KAZN: variants seen among roughly 807,000 people sequenced by gnomAD.
The protein encoded by KAZN is kazrin, periplakin interacting protein, also known as kazrin.
KAZN carries 40 observed loss-of-function variants against 87.4 expected under a neutral mutation model. That is an observed-to-expected ratio of 0.46 (90% CI 0.36 to 0.60). The LOEUF (loss-of-function observed/expected upper bound fraction) is 0.60, where lower values mean the gene tolerates loss of function less well. KAZN is among the 20% of genes least tolerant of loss of function. The pLI is 0.00. For synonymous variants in KAZN, 466 were observed against 458.3 expected, an observed-to-expected ratio of 1.02 and a Z score of -0.22; for missense variants, 898 against 1,073.9, an observed-to-expected ratio of 0.84 and a Z score of 2.29.
At chr1:14,360,378 G>GT (rs1659402467) in intron 2 of KAZN, among the ~76,000 whole-genome samples, 1 of 151,982 alleles carries the variant, frequency 6.6e-6, no homozygotes, top group African/African-American at 2.4e-5. Flanking sequence ...CTTGCATTGG[G>GT]TTAGAACATG....
rs939459866 is a variant in KAZN at position 15,114,860 on chromosome 1, T to C, written c.*225T>C. The C allele has an allele frequency of 1.7e-5, 8 of 457,666 alleles. No individual in the cohort carries two copies. Among genetic ancestry groups the C allele is most frequent in the African/African-American group, 1.6e-4 (8 of 51,534 alleles). 28.4% of individuals were successfully genotyped at this position (457,666 alleles called of 1,614,324 possible). On this transcript the variant is annotated 3_prime_UTR_variant, in exon 15 of 15. Coordinates refer to ENST00000376030, the MANE Select transcript of KAZN (RefSeq NM_201628.3). ...TGGGCCATGGACTTTCCTGTTCAGC[T>C]GGAGATGGGCCCAGAGGACCTGTCA...
chr1:14,780,522 T>C (rs1255292514), intron 1 of KAZN, among the ~76,000 whole-genome samples: 4 of 152,196 alleles, frequency 2.6e-5, no homozygotes, highest in African/African-American at 7.2e-5. Flanking sequence ...GAGCCTCCGG[T>C]TTCTCTTCTG....
At chr1:14,251,642 A>ATTT (rs1571144709) in intron 2 of KAZN, among the ~76,000 whole-genome samples, 2 of 81,510 alleles carry the variant, frequency 2.5e-5, no homozygotes, top group Admixed American at 1.4e-4. Flanking sequence ...GTTCTCCCGG[A>ATTT]CTTTTTTTTT....
chr1:14,173,653 T>C (rs993367178), intron 1 of KAZN, among the ~76,000 whole-genome samples: 1 of 146,612 alleles, frequency 6.8e-6, no homozygotes, highest in Admixed American at 6.9e-5. Flanking sequence ...GCTTTGTAGT[T>C]CCCCTCCCCG....
intron 1 of KAZN, among the ~76,000 whole-genome samples, chr1:14,886,447 C>T (rs1173039320): frequency 2.0e-5 from 3 of 151,118 alleles, no homozygotes; most frequent in African/African-American, 7.4e-5. Context: ...TACACACACA[C>T]ACACACACAC....
intron 1 of KAZN, among the ~76,000 whole-genome samples, chr1:13,999,313 G>T (rs546440101): frequency 3.6e-4 from 54 of 151,694 alleles, no homozygotes; most frequent in Non-Finnish European, 1.0e-4. Context: ...ACGCCATTGC[G>T]CTCCAGCCTG....
rs77418325 is a variant in KAZN at position 14,785,276 on chromosome 1, C to G, written c.227-175408C>G. ...GTGGACCCCCATGGAAGAACTTTCCCAACCTTCCCTTGGGAACTTTGTCAT... is the reference window on the plus strand; with the variant it reads ...GTGGACCCCCATGGAAGAACTTTCCGAACCTTCCCTTGGGAACTTTGTCAT... On this transcript the variant is annotated intron_variant, in intron 1 of 14. Transcript: ENST00000376030. Among the ~76,000 whole-genome samples, 1,230 of 152,260 alleles carry G rather than the reference C, an allele frequency of 8.1e-3. 16 individuals carry two copies. The highest frequency in any genetic ancestry group is 0.028 in the African/African-American group (1,166 of 41,552).
rs1218602968 is a variant in KAZN, at chr1:14,514,386, AT to A, written c.250-84595del. The stretch of plus-strand genomic sequence containing the variant: ...ATATTTATATATATAATATATATAT[AT>A]TATATATATTTATATATATAATATA... On this transcript the variant is annotated intron_variant, in intron 2 of 16. Transcript: ENST00000636203. 1.3e-4 allele frequency among the ~76,000 whole-genome samples: 2 copies of A among 15,980 alleles called. 1 individual carries two copies. The highest frequency in any genetic ancestry group is 2.2e-4 in the Non-Finnish European group (2 of 8,966). The allele number at this position is 15,980 out of a possible 152,430, so 10.5% of individuals were successfully genotyped here. A position where few individuals can be genotyped will look rare whatever the true frequency, so the allele number is the denominator to read the frequency against.
intron 1 of KAZN, among the ~76,000 whole-genome samples, chr1:14,702,025 G>T (rs1216648173): frequency 2.0e-5 from 3 of 152,152 alleles, no homozygotes; most frequent in Non-Finnish European, 4.4e-5. Flanking sequence ...TTGTTGACGT[G>T]CTAAAGCACA....
At chr1:13,898,230 T>G (rs1639117852) in intron 1 of KAZN, among the ~76,000 whole-genome samples, 1 of 152,162 alleles carries the variant, frequency 6.6e-6, no homozygotes, top group Non-Finnish European at 1.5e-5. Flanking sequence ...CAAGTTCCCT[T>G]GTCTATATTC....
chr1:14,618,204 G>A (rs1419772278), intron 1 of KAZN, among the ~76,000 whole-genome samples: 1 of 152,182 alleles, frequency 6.6e-6, no homozygotes, highest in Non-Finnish European at 1.5e-5. Flanking sequence ...GAAACACACT[G>A]GGGCATGGCC....
At chr1:14,586,124 G>T (rs2148571475) in intron 2 of KAZN, among the ~76,000 whole-genome samples, 1 of 152,318 alleles carries the variant, frequency 6.6e-6, no homozygotes, top group South Asian at 2.1e-4. Flanking sequence ...TGTAAAGTTT[G>T]ATTATTAATT....
chr1:14,618,703 A>C (rs112290834), intron 1 of KAZN, among the ~76,000 whole-genome samples: 5 of 152,236 alleles, frequency 3.3e-5, no homozygotes, highest in Admixed American at 1.3e-4. Flanking sequence ...ACTCTGGCCC[A>C]CTGACCCCAA....
intron 2 of KAZN, among the ~76,000 whole-genome samples, chr1:14,346,588 C>A (rs1658127252): frequency 1.3e-5 from 2 of 152,088 alleles, no homozygotes; most frequent in Non-Finnish European, 2.9e-5. Flanking sequence ...CTATACCTCC[C>A]CTCTGTATCA....
chr1:14,058,182 A>C (rs1190544432), intron 1 of KAZN, among the ~76,000 whole-genome samples: 2 of 152,044 alleles, frequency 1.3e-5, no homozygotes, highest in Non-Finnish European at 2.9e-5. Flanking sequence ...CATAGGTCCA[A>C]CTGAGAAGCA....
chr1:13,960,529 C>A (rs1209568881), intron 1 of KAZN, among the ~76,000 whole-genome samples: 1 of 152,174 alleles, frequency 6.6e-6, no homozygotes, highest in East Asian at 1.9e-4. Flanking sequence ...CAAACTCACA[C>A]CTAACCAGGG....
intron 1 of KAZN, among the ~76,000 whole-genome samples, chr1:14,942,233 T>A (rs1481697945): frequency 6.6e-6 from 1 of 152,128 alleles, no homozygotes; most frequent in Non-Finnish European, 1.5e-5. Flanking sequence ...CACATATTTG[T>A]CCCCTGTCCT....
intron 1 of KAZN, among the ~76,000 whole-genome samples, chr1:14,887,635 C>T (rs1654222162): frequency 1.3e-5 from 2 of 151,954 alleles, no homozygotes; most frequent in Admixed American, 6.6e-5. Context: ...ACGAGGAGCC[C>T]CAGTTTGGGA....
chr1:14,680,460 T>G (rs1384223691), intron 1 of KAZN, among the ~76,000 whole-genome samples: 1 of 152,176 alleles, frequency 6.6e-6, no homozygotes, highest in African/African-American at 2.4e-5. Context: ...AATATTTTTT[T>G]TTATTATTTA....
Sources: gnomAD v4.1 joint callset for allele counts (sites outside exome capture counted in the v4.1 genomes callset) on GRCh38, gnomAD v4.1.1 for gene constraint, MANE v1.5 for transcripts, NCBI Gene and HGNC (gene_info 2026-07-23, HGNC 2026-07-21) for gene names.